Variants in GAS2L3 observed in about 807,000 individuals in gnomAD.
GAS2L3 encodes the protein growth arrest specific 2 like 3, also known as GAS2-like protein 3.
A neutral mutation model predicts 37.0 loss-of-function variants in GAS2L3; 28 were observed. The observed-to-expected ratio is 0.76, with a 90% CI of 0.56 to 1.04. GAS2L3 has a LOEUF of 1.04. Among genes scored for constraint, GAS2L3 ranks in the 50% least tolerant of loss-of-function variants. The pLI is 0.00. For missense variants in GAS2L3, 793 were observed against 817.6 expected (o/e 0.97, Z 0.37); for synonymous variants, 290 against 296.6 (o/e 0.98, Z 0.23).
intron 1 of GAS2L3, among the ~76,000 whole-genome samples, chr12:100,586,175 G>GA (rs943435743): frequency 9.2e-5 from 14 of 152,162 alleles, no homozygotes. Context: ...CATCAAGACA[G>GA]AAAATCAACC....
chr12:100,601,210 T>C (rs1460726110), intron 4 of GAS2L3, among the ~76,000 whole-genome samples: 3 of 152,110 alleles, frequency 2.0e-5, no homozygotes, highest in Admixed American at 1.3e-4. Context: ...TGATGGATAA[T>C]ATTTAGAGTT....
rs1456896979 is a variant in GAS2L3, at chr12:100,624,508, C to CA, written c.1704dup (p.Val569SerfsTer13). Reference sequence around the variant, plus strand: ...TTAAATCAGCCAGTTTCTGTGTCCTCAGTTTCTCCTGTAAAAGCCACACAG... The same window carrying CA: ...TTAAATCAGCCAGTTTCTGTGTCCTCAAGTTTCTCCTGTAAAAGCCACACAG... On this transcript the variant is annotated frameshift_variant, in exon 10 of 10. Coordinates refer to ENST00000547754, the MANE Select transcript of GAS2L3 (RefSeq NM_174942.3). LOFTEE classifies it low-confidence loss of function (END_TRUNC). The CA allele has an allele frequency of 6.2e-7, 1 of 1,613,976 alleles. No homozygotes were observed. Among genetic ancestry groups the CA allele is most frequent in the African/African-American group, 1.3e-5 (1 of 74,926 alleles).
At position 100,624,754 on chromosome 12, in the gene GAS2L3, A is replaced by G. The variant is rs1179940600; in HGVS notation, c.1949A>G (p.Lys650Arg). 1.2e-6 allele frequency: 2 copies of G among 1,613,932 alleles called. No individual in the cohort carries two copies. The highest frequency in any genetic ancestry group is 1.7e-6 in the Non-Finnish European group (2 of 1,180,016). Reference protein sequence around the residue: ...HSTKGPPRSGKTPASIRKPPS... With the variant: ...HSTKGPPRSGRTPASIRKPPS... ...ACTAAAGGGCCTCCCAGAAGTGGCAAAACCCCAGCTTCAATCAGGAAACCA... is the reference window on the plus strand; with the variant it reads ...ACTAAAGGGCCTCCCAGAAGTGGCAGAACCCCAGCTTCAATCAGGAAACCA... Residue 650 changes from lysine (K) to arginine (R), a missense_variant, in exon 10 of 10, where the codon AAA (lysine) becomes AGA (arginine). Transcript: ENST00000547754.
chr12:100,612,969 A>G (rs1956144282), intron 6 of GAS2L3, among the ~76,000 whole-genome samples: 2 of 152,216 alleles, frequency 1.3e-5, no homozygotes. Flanking sequence ...GCCCTCACAC[A>G]GGGTAAGCGG....
At chr12:100,593,022 C>A (rs1207463707) in intron 2 of GAS2L3, among the ~76,000 whole-genome samples, 1 of 151,902 alleles carries the variant, frequency 6.6e-6, no homozygotes, top group Non-Finnish European at 1.5e-5. Flanking sequence ...GAAGGAGAAG[C>A]AAGAAATGTG....
chr12:100,586,307 C>T (rs1352485829), intron 1 of GAS2L3, among the ~76,000 whole-genome samples: 1 of 152,138 alleles, frequency 6.6e-6, no homozygotes, highest in African/African-American at 2.4e-5. Flanking sequence ...GGAACTTTCT[C>T]CAAGATAGAC....
chr12:100,595,408 T>G lies in GAS2L3; in HGVS notation c.18+486T>G, dbSNP rs1184218448. ...AATTTTAAAGAGTGGGTTTTTTTTT[T>G]TTTGTTTTGTTTTTTGTGGAGGGGT... On this transcript the variant is annotated intron_variant, in intron 3 of 9. Transcript: ENST00000547754. Among the ~76,000 whole-genome samples, 143 of 151,414 alleles carry G rather than the reference T, an allele frequency of 9.4e-4. 1 individual carries two copies. Among genetic ancestry groups the G allele is most frequent in the African/African-American group, 3.1e-3 (129 of 41,180 alleles).
At chr12:100,612,351 G>A in intron 6 of GAS2L3, 1 of 478,920 alleles carries the variant, frequency 2.1e-6, no homozygotes. Context: ...TATGTGTCTA[G>A]AATGTCCTAA....
At chr12:100,612,393 G>T in intron 6 of GAS2L3, 1 of 396,814 alleles carries the variant, frequency 2.5e-6, no homozygotes, top group Non-Finnish European at 4.5e-6. Context: ...TTGGCTACAG[G>T]AAGGTTCTGG....
chr12:100,580,163 G>C, intron 1 of GAS2L3: 3 of 762,888 alleles, frequency 3.9e-6, no homozygotes, highest in East Asian at 2.4e-5. Flanking sequence ...AGTAAAAGAG[G>C]GGGTGAGAAT....
Position 100,594,544 on chromosome 12 carries a change from A to G in GAS2L3, c.-30-331A>G, listed in dbSNP as rs1263490739. On this transcript the variant is annotated intron_variant, in intron 2 of 9. Coordinates refer to ENST00000547754, the MANE Select transcript of GAS2L3 (RefSeq NM_174942.3). ...ATTTACATTATATTCACAGGGGAAA[A>G]TAAAATTCTGGGAGACTTTTATATG... 2.0e-5 allele frequency among the ~76,000 whole-genome samples: 3 copies of G among 152,018 alleles called. No individual in the cohort carries two copies. The East Asian group carries it at 5.8e-4, about 29-fold the overall frequency.
At chr12:100,611,249 G>A (rs1956123661) in intron 5 of GAS2L3, 2 of 152,154 alleles carry the variant, frequency 1.3e-5, no homozygotes, top group Non-Finnish European at 2.9e-5. Context: ...GCCTCCGAAA[G>A]TACTGGGATT....
chr12:100,617,944 T>C, intron 7 of GAS2L3, 137 bp downstream of exon 7: 2 of 611,108 alleles, frequency 3.3e-6, no homozygotes, highest in Non-Finnish European at 5.7e-6. Flanking sequence ...TTTTTGTTTC[T>C]TTATCAACTT....
chr12:100,578,653 C>T, intron 1 of GAS2L3: 2 of 293,826 alleles, frequency 6.8e-6, no homozygotes, highest in South Asian at 8.2e-5. Context: ...CGTGGGAGGT[C>T]CAGACACAGG....
rs926826255 is a variant in GAS2L3, at chr12:100,627,728, T to C, written c.*2838T>C. Reference sequence around the variant, plus strand: ...TGAAGTTGGGAGAACTTTCCATCTCTTCTTAATAACAGTGCAAGATTTTGT... The same window carrying C: ...TGAAGTTGGGAGAACTTTCCATCTCCTCTTAATAACAGTGCAAGATTTTGT... On this transcript the variant is annotated 3_prime_UTR_variant, in exon 10 of 10. Transcript: ENST00000547754. 1.3e-5 allele frequency: 2 copies of C among 152,232 alleles called. No homozygotes were observed. Among genetic ancestry groups the C allele is most frequent in the African/African-American group, 4.8e-5 (2 of 41,456 alleles). 9.4% of individuals were successfully genotyped at this position (152,232 alleles called of 1,614,324 possible).
At chr12:100,587,535 C>A (rs1160761403) in intron 1 of GAS2L3, among the ~76,000 whole-genome samples, 1 of 152,116 alleles carries the variant, frequency 6.6e-6, no homozygotes, top group African/African-American at 2.4e-5. Flanking sequence ...ATCCAGCATC[C>A]CTTTCTGATT....
chr12:100,620,847 C>A (rs939086123), intron 8 of GAS2L3, among the ~76,000 whole-genome samples: 1 of 151,992 alleles, frequency 6.6e-6, no homozygotes, highest in African/African-American at 2.4e-5. Flanking sequence ...GTTCTAATAA[C>A]TGTAAGCCCT....
In GAS2L3 at chr12:100,611,656, C is replaced by T. The variant is rs1956128149; in HGVS notation, c.304-344C>T. Among the ~76,000 whole-genome samples the T allele has an allele frequency of 2.0e-5, 3 of 152,014 alleles. No homozygotes were observed. The South Asian group carries it at 6.2e-4, about 32-fold the overall frequency. ...AGGAGCACGCAACCTAGATCTCTTG[C>T]ATGCACAGTTCACAATAGGGTTCAA... On this transcript the variant is annotated intron_variant, in intron 5 of 9. Coordinates refer to ENST00000547754, the MANE Select transcript of GAS2L3 (RefSeq NM_174942.3).
rs763744704 is a variant in GAS2L3 at position 100,624,354 on chromosome 12, T to G, written c.1549T>G (p.Ser517Ala). The G allele has an allele frequency of 6.2e-7, 1 of 1,613,864 alleles. No individual in the cohort carries two copies. The highest frequency in any genetic ancestry group is 1.1e-5 in the South Asian group (1 of 91,062). The change falls in exon 10 of 10, where the codon TCC becomes GCC. Residue 517 changes from serine (S) to alanine (A), a missense_variant. Coordinates refer to ENST00000547754, the MANE Select transcript of GAS2L3 (RefSeq NM_174942.3). ...TGTAAGACCTAAACCTTCTTTCCAG[T>G]CCTCTGCAAAAATGACAAAAACCAG... ...IPVRPKPSFQ[S>A]SAKMTKTSSK...
Sources: gnomAD v4.1 joint callset for allele counts (sites outside exome capture counted in the v4.1 genomes callset) on GRCh38, gnomAD v4.1.1 for gene constraint, MANE v1.5 for transcripts, NCBI Gene and HGNC (gene_info 2026-07-23, HGNC 2026-07-21) for gene names.